Variants in FARP1 observed in about 807,000 individuals in gnomAD.
FARP1 encodes FERM, ARHGEF and pleckstrin domain-containing protein 1.
Under a neutral mutation model 128.8 loss-of-function variants are expected in FARP1, and 52 were observed. The ratio of observed to expected loss-of-function variants is 0.40; its 90% CI spans 0.32 to 0.51. The LOEUF (loss-of-function observed/expected upper bound fraction) is 0.51, where lower values mean the gene tolerates loss of function less well. Among genes scored for constraint, FARP1 ranks in the 20% least tolerant of loss-of-function variants. The probability of loss-of-function intolerance (pLI) is 0.45; values close to 1 mark genes in which losing one functional copy is unlikely to be tolerated. For synonymous variants in FARP1, 580 were observed against 551.8 expected, an observed-to-expected ratio of 1.05 and a Z score of -0.72; for missense variants, 1,333 against 1,367.9, an observed-to-expected ratio of 0.97 and a Z score of 0.40.
intron 2 of FARP1, among the ~76,000 whole-genome samples, chr13:98,228,444 A>T (rs1341243109): frequency 6.6e-6 from 1 of 151,902 alleles, no homozygotes; most frequent in Admixed American, 6.6e-5. Flanking sequence ...AAAAAAAAAA[A>T]TGCCACAGAG....
intron 1 of FARP1, 113 bp from the exon 2 acceptor site, chr13:98,213,107 T>G: frequency 1.4e-6 from 1 of 736,994 alleles, no homozygotes; most frequent in Non-Finnish European, 2.2e-6. Flanking sequence ...TATATGTGAT[T>G]CCTGTGCAGG....
chr13:98,401,903 C>T (rs572020548), intron 13 of FARP1: 3 of 152,206 alleles, frequency 2.0e-5, no homozygotes, highest in African/African-American at 7.2e-5. Flanking sequence ...AGCATGGTAG[C>T]CTCGAAACCA....
chr13:98,218,784 C>T (rs1881251450), intron 2 of FARP1, among the ~76,000 whole-genome samples: 1 of 152,142 alleles, frequency 6.6e-6, no homozygotes, highest in East Asian at 1.9e-4. Flanking sequence ...GAACTCTATG[C>T]TGTTTGACCA....
intron 2 of FARP1, among the ~76,000 whole-genome samples, chr13:98,319,544 C>T (rs1267967672): frequency 6.6e-6 from 1 of 152,114 alleles, no homozygotes; most frequent in African/African-American, 2.4e-5. Flanking sequence ...GGTGTGAACC[C>T]GGGAGGCGGA....
chr13:98,290,334 C>T (rs1885393309), intron 2 of FARP1, among the ~76,000 whole-genome samples: 1 of 151,914 alleles, frequency 6.6e-6, no homozygotes, highest in Non-Finnish European at 1.5e-5. Flanking sequence ...TCAGACAGGC[C>T]TCTCTGAAAA....
In FARP1 at chr13:98,240,546, C is replaced by G. The variant is rs147101042; in HGVS notation, c.171+27133C>G. Among the ~76,000 whole-genome samples, 521 of 152,272 alleles carry G rather than the reference C, an allele frequency of 3.4e-3. 3 individuals are homozygous for G. Among genetic ancestry groups the G allele is most frequent in the African/African-American group, 0.011 (470 of 41,546 alleles). Reference sequence around the variant, plus strand: ...TTGACAGCATTATGAGAAACTGTACCAGATACTTTGTTGGTGGATGGTCTG... The same window carrying G: ...TTGACAGCATTATGAGAAACTGTACGAGATACTTTGTTGGTGGATGGTCTG... On this transcript the variant is annotated intron_variant, in intron 2 of 26. Transcript: ENST00000319562.
intron 13 of FARP1, chr13:98,399,308 G>A (rs1890671142): frequency 6.6e-6 from 1 of 152,198 alleles, no homozygotes; most frequent in Non-Finnish European, 1.5e-5. Context: ...GCCTGGTGGA[G>A]CACGTTTGCT....
intron 2 of FARP1, among the ~76,000 whole-genome samples, chr13:98,331,278 C>T (rs72655167): frequency 0.032 from 4,877 of 152,236 alleles, 104 homozygotes; most frequent in Middle Eastern, 0.065. Context: ...TTTCCTAAAT[C>T]GAGAATCTAT....
Position 98,384,697 on chromosome 13 carries a change from A to G in FARP1, c.497-33A>G. On this transcript the variant is annotated intron_variant, in intron 6 of 26. Coordinates refer to ENST00000319562, the MANE Select transcript of FARP1 (RefSeq NM_005766.4). ...TGACAAACTGGGAAGTGTCATTCCTACGTGACCTGTTTTTCTTTCTGTTTC... is the reference window on the plus strand; with the variant it reads ...TGACAAACTGGGAAGTGTCATTCCTGCGTGACCTGTTTTTCTTTCTGTTTC... 3.8e-6 allele frequency: 5 copies of G among 1,332,640 alleles called. No homozygotes were observed. In the Admixed American group the frequency reaches 8.4e-5, roughly 22 times the overall value. 82.6% of individuals were successfully genotyped at this position (1,332,640 alleles called of 1,614,324 possible). A position where few individuals can be genotyped will look rare whatever the true frequency, so the allele number is the denominator to read the frequency against.
intron 16 of FARP1, 45 bp from the exon 17 acceptor site, chr13:98,424,527 C>T: frequency 7.9e-7 from 1 of 1,259,002 alleles, no homozygotes; most frequent in Non-Finnish European, 1.2e-6. Flanking sequence ...GCTGTCATGT[C>T]ACTACTGATG....
chr13:98,403,791 A>C (rs1423671643), intron 13 of FARP1: 1 of 152,260 alleles, frequency 6.6e-6, no homozygotes, highest in Non-Finnish European at 1.5e-5. Flanking sequence ...ATGGAAGGCC[A>C]AGCTCATGTC....
intron 1 of FARP1, among the ~76,000 whole-genome samples, chr13:98,166,728 T>G (rs1277613392): frequency 7.3e-6 from 1 of 137,528 alleles, no homozygotes; most frequent in Admixed American, 6.8e-5. Context: ...TTCTTTCTTT[T>G]TTTTTTTTTT....
At chr13:98,147,359 T>G (rs1875648190) in intron 1 of FARP1, among the ~76,000 whole-genome samples, 1 of 152,138 alleles carries the variant, frequency 6.6e-6, no homozygotes, top group Non-Finnish European at 1.5e-5. Flanking sequence ...CTTCAAGACT[T>G]GCAATTAATG....
At chr13:98,372,012 C>T (rs1159780138) in intron 5 of FARP1, among the ~76,000 whole-genome samples, 3 of 150,722 alleles carry the variant, frequency 2.0e-5, no homozygotes, top group East Asian at 1.9e-4. Flanking sequence ...GAAGGAGAAG[C>T]GTATTGACTC....
intron 3 of FARP1, among the ~76,000 whole-genome samples, chr13:98,348,448 A>T (rs1414867779): frequency 6.6e-6 from 1 of 152,274 alleles, no homozygotes; most frequent in Non-Finnish European, 1.5e-5. Context: ...TTAGATGGCC[A>T]TGGGGGCGAG....
At chr13:98,355,511 A>G (rs577780026) in intron 3 of FARP1, among the ~76,000 whole-genome samples, 4 of 152,306 alleles carry the variant, frequency 2.6e-5, no homozygotes, top group East Asian at 3.9e-4. Flanking sequence ...AGAACTGGCT[A>G]GGAATGCACA....
chr13:98,421,231 T>C (rs1429406080), intron 16 of FARP1, among the ~76,000 whole-genome samples: 1 of 152,242 alleles, frequency 6.6e-6, no homozygotes, highest in Middle Eastern at 3.2e-3. Context: ...AAGGTTCTTT[T>C]GACTTTGAAG....
intron 16 of FARP1, among the ~76,000 whole-genome samples, chr13:98,416,244 T>C (rs1408469900): frequency 6.6e-6 from 1 of 152,212 alleles, no homozygotes; most frequent in Non-Finnish European, 1.5e-5. Flanking sequence ...TTTTCAATGA[T>C]TATCATTAAT....
At chr13:98,401,795 T>G (rs1057243628) in intron 13 of FARP1, 1 of 152,154 alleles carries the variant, frequency 6.6e-6, no homozygotes, top group Non-Finnish European at 1.5e-5. Flanking sequence ...AGGGAAGAAT[T>G]AGAAAATCTT....
Sources: allele counts gnomAD v4.1 joint callset (sites outside exome capture counted in the v4.1 genomes callset), GRCh38; gene constraint gnomAD v4.1.1; transcripts MANE v1.5; gene names NCBI Gene and HGNC (gene_info 2026-07-23, HGNC 2026-07-21).